KCNMA1: variants seen among roughly 807,000 people sequenced by gnomAD.
KCNMA1 encodes the protein Calcium-activated potassium channel subunit alpha-1.
A neutral mutation model predicts 140.0 loss-of-function variants in KCNMA1; 29 were observed. The observed-to-expected ratio is 0.21, with a 90% CI of 0.15 to 0.28. The LOEUF is 0.28. KCNMA1 is among the 10% of genes least tolerant of loss of function. The pLI is 1.00. For synonymous variants in KCNMA1, 612 were observed against 611.9 expected (o/e 1.00, Z 0.00); for missense variants, 880 against 1,602.2 (o/e 0.55, Z 7.70).
intron 3 of KCNMA1, among the ~76,000 whole-genome samples, chr10:77,207,702 T>A (rs2044601817): frequency 6.6e-6 from 1 of 152,222 alleles, no homozygotes; most frequent in African/African-American, 2.4e-5. Context: ...CTCGCTAATG[T>A]CTGTTCAGGT....
At chr10:77,455,408 A>C (rs183280) in intron 1 of KCNMA1, among the ~76,000 whole-genome samples, 63,181 of 152,008 alleles carry the variant, frequency 0.42, 13,461 homozygotes, top group South Asian at 0.61. Flanking sequence ...GTGGGACTGT[A>C]CCCTGCCCTC....
intron 3 of KCNMA1, among the ~76,000 whole-genome samples, chr10:77,221,076 A>G (rs930344283): frequency 2.0e-5 from 3 of 152,254 alleles, no homozygotes; most frequent in African/African-American, 7.2e-5. Context: ...CTGCTAGTGA[A>G]TGGTGCGTTA....
downstream of KCNMA1, among the ~76,000 whole-genome samples, chr10:76,881,204 C>A (rs2034527020): frequency 6.6e-6 from 1 of 152,132 alleles, no homozygotes; most frequent in Non-Finnish European, 1.5e-5. Context: ...GCTAAGGAGA[C>A]AGCGCAGGGC....
rs547371303 is a variant in KCNMA1, at chr10:76,990,724, T to C, written c.2266+10683A>G. ...TTGGTTTTGAAGCATCCCTGCTGGA[T>C]ATGTTCTCTCAGTTGGATACGTTAC... On this transcript the variant is annotated intron_variant, in intron 19 of 27. Coordinates refer to ENST00000286628, the MANE Select transcript of KCNMA1 (RefSeq NM_001161352.2). Among the ~76,000 whole-genome samples, 4 of 152,350 alleles carry C rather than the reference T, an allele frequency of 2.6e-5. No homozygotes were observed. In the South Asian group the frequency reaches 6.2e-4, roughly 24 times the overall value.
At chr10:77,405,708 T>C (rs1374177831) in intron 1 of KCNMA1, among the ~76,000 whole-genome samples, 1 of 152,226 alleles carries the variant, frequency 6.6e-6, no homozygotes, top group Non-Finnish European at 1.5e-5. Context: ...TGTTCATCAT[T>C]TAAAACTCTG....
In KCNMA1 at chr10:77,280,094, AAC is replaced by A. The variant is rs2067975805; in HGVS notation, c.541-28840_541-28839del. Among the ~76,000 whole-genome samples the A allele has an allele frequency of 2.6e-5, 4 of 152,320 alleles. No individual in the cohort carries two copies. In the South Asian group the frequency reaches 8.3e-4, roughly 32 times the overall value. ...CCAGATCCTTCCTCCTCTAATAGAG[AAC>A]ACCAACATACCAAAGACTACTTCAG... On this transcript the variant is annotated intron_variant, in intron 2 of 27. Transcript: ENST00000286628.
At chr10:77,360,617 C>T (rs1335593416) in intron 2 of KCNMA1, among the ~76,000 whole-genome samples, 1 of 152,242 alleles carries the variant, frequency 6.6e-6, no homozygotes, top group Non-Finnish European at 1.5e-5. Flanking sequence ...ATCCTCTGCA[C>T]TTCCAAGGCC....
At chr10:77,586,335 ATGTTCGACGTCCTTTTCT>A (rs2077275812) in intron 1 of KCNMA1, 1 of 152,190 alleles carries the variant, frequency 6.6e-6, no homozygotes, top group South Asian at 2.1e-4. Context: ...AGACCGTTGC[ATGTTCGACGTCCTTTTCT>A]TGTGCTCCAT....
In KCNMA1 at chr10:77,633,488, C is replaced by T. The variant is rs1242998469; in HGVS notation, c.378+3777G>A. Among the ~76,000 whole-genome samples the T allele has an allele frequency of 2.6e-5, 4 of 152,206 alleles. No individual in the cohort carries two copies. In the East Asian group the frequency reaches 7.7e-4, roughly 29 times the overall value. ...AGTATCTCAAGGTCATCTGGTGCAG[C>T]CAATCCCCAGGACAGGATGAGATGA... On this transcript the variant is annotated intron_variant, in intron 1 of 27. Transcript: ENST00000286628.
chr10:77,623,929 G>C (rs2092024423), intron 1 of KCNMA1, among the ~76,000 whole-genome samples: 1 of 152,194 alleles, frequency 6.6e-6, no homozygotes, highest in Non-Finnish European at 1.5e-5. Context: ...GGCTCCGGTA[G>C]CATAATCGAA....
intron 1 of KCNMA1, among the ~76,000 whole-genome samples, chr10:77,525,303 C>T (rs963774580): frequency 6.6e-6 from 1 of 152,202 alleles, no homozygotes; most frequent in Non-Finnish European, 1.5e-5. Context: ...AGAGAAAGCA[C>T]ATCCAGCCTG....
chr10:77,390,411 G>A (rs539833535), intron 2 of KCNMA1, among the ~76,000 whole-genome samples: 27 of 152,286 alleles, frequency 1.8e-4, no homozygotes, highest in African/African-American at 6.3e-4. Context: ...CTCTCTTTCT[G>A]ATGATCTGAG....
chr10:77,294,432 G>A (rs1182963052), intron 2 of KCNMA1, among the ~76,000 whole-genome samples: 3 of 152,174 alleles, frequency 2.0e-5, no homozygotes, highest in Non-Finnish European at 4.4e-5. Context: ...TGGTCTCTAA[G>A]CATATGTTCA....
At chr10:77,478,939 A>C (rs2098332497) in intron 1 of KCNMA1, among the ~76,000 whole-genome samples, 1 of 152,262 alleles carries the variant, frequency 6.6e-6, no homozygotes, top group African/African-American at 2.4e-5. Context: ...CGTAATGTTA[A>C]GAAGAAAAGC....
rs1402830562 is a variant in KCNMA1, at chr10:76,969,370, T to C, written c.2360+604A>G. ...ACATGTACATGCATGCTGTATTTCA[T>C]AATTAATATTGCTTTTAGCCTGAGC... On this transcript the variant is annotated intron_variant, in intron 20 of 27. Transcript: ENST00000286628. 2.9e-5 allele frequency among the ~76,000 whole-genome samples: 4 copies of C among 139,896 alleles called. No homozygotes were observed. In the East Asian group the frequency reaches 9.0e-4, roughly 31 times the overall value. 91.8% of individuals were successfully genotyped at this position (139,896 alleles called of 152,430 possible).
At chr10:77,358,986 A>G (rs977346245) in intron 2 of KCNMA1, among the ~76,000 whole-genome samples, 1 of 152,146 alleles carries the variant, frequency 6.6e-6, no homozygotes. Flanking sequence ...CCTTCATGCT[A>G]AAAGTAAGCC....
intron 1 of KCNMA1, among the ~76,000 whole-genome samples, chr10:77,460,267 C>T (rs1000079459): frequency 6.6e-6 from 1 of 152,170 alleles, no homozygotes; most frequent in Non-Finnish European, 1.5e-5. Flanking sequence ...TTATTATTCT[C>T]TCTGCCTCCC....
intron 27 of KCNMA1, 120 bp downstream of exon 27, chr10:76,889,331 G>T (rs1175533975): frequency 1.4e-6 from 1 of 738,198 alleles, no homozygotes; most frequent in Non-Finnish European, 2.4e-6. Context: ...TTTAATATGG[G>T]CAGAGTAATT....
At chr10:77,258,478 C>G (rs190080291) in intron 2 of KCNMA1, among the ~76,000 whole-genome samples, 1 of 152,182 alleles carries the variant, frequency 6.6e-6, no homozygotes, top group Non-Finnish European at 1.5e-5. Flanking sequence ...TGGTCTGACC[C>G]ATCGCCTCCC....
Sources: gnomAD v4.1 joint callset for allele counts (sites outside exome capture counted in the v4.1 genomes callset) on GRCh38, gnomAD v4.1.1 for gene constraint, MANE v1.5 for transcripts, NCBI Gene and HGNC (gene_info 2026-07-23, HGNC 2026-07-21) for gene names.